ZIC3: variants seen among roughly 807,000 people sequenced by gnomAD.
ZIC3 encodes the protein zinc finger protein ZIC 3.
In ZIC3, 6 loss-of-function variants were observed where a neutral mutation model predicts 18.3. That is an observed-to-expected ratio of 0.33 (90% confidence interval 0.18 to 0.65). ZIC3 has a LOEUF of 0.65. Among genes scored for constraint, ZIC3 ranks in the 30% least tolerant of loss-of-function variants. The probability of loss-of-function intolerance (pLI) is 0.75; values close to 1 mark genes in which losing one functional copy is unlikely to be tolerated. For synonymous variants in ZIC3, 175 were observed against 177.0 expected (o/e 0.99, Z 0.09); for missense variants, 260 against 410.0 (o/e 0.63, Z 3.16).
downstream of ZIC3, among the ~76,000 whole-genome samples, chrX:137,574,638 C>A (rs1203196701): frequency 9.0e-6 from 1 of 111,198 alleles, no homozygotes; most frequent in Non-Finnish European, 1.9e-5. Context: ...GATTTTGCAG[C>A]GAGGGGGTTG....
intron 1 of ZIC3, 45 bp downstream of exon 1, chrX:137,567,796 C>T (rs191005711): frequency 8.3e-7 from 1 of 1,210,490 alleles, no homozygotes; most frequent in African/African-American, 1.7e-5. Context: ...TGGCGATACC[C>T]CGTCACGCAG....
intron 1 of ZIC3, 72 bp downstream of exon 1, chrX:137,567,823 G>A: frequency 1.7e-6 from 2 of 1,208,746 alleles, no homozygotes; most frequent in South Asian, 1.8e-5. Flanking sequence ...TAGAGCGCGA[G>A]GGAGAGAGGT....
chrX:137,577,228 G>T (rs980986583), exon 3 of ZIC3: 1 of 521,452 alleles, frequency 1.9e-6, no homozygotes, highest in Non-Finnish European at 3.5e-6. Context: ...TATCCTAAAT[G>T]CAGGGTTAAT....
chrX:137,573,964 T>C (rs1220657430), downstream of ZIC3: 1 of 113,141 alleles, frequency 8.8e-6, no homozygotes, highest in Non-Finnish European at 1.9e-5. Context: ...GACCTCCACC[T>C]ACAGGGCCCT....
At chrX:137,576,075 G>T (rs1312088847), downstream of ZIC3, among the ~76,000 whole-genome samples, 7 of 106,356 alleles carry the variant, frequency 6.6e-5, no homozygotes, top group Non-Finnish European at 1.4e-4. Flanking sequence ...TTTTTCTGTG[G>T]GTGAAGTTTC....
rs1844990900 is a variant in ZIC3 at position 137,570,871 on chromosome X, G to C, written c.*801G>C. 8.9e-6 allele frequency: 1 copy of C among 112,775 alleles called. No homozygotes were observed. 9.3% of individuals were successfully genotyped at this position (112,775 alleles called of 1,213,427 possible). On this transcript the variant is annotated 3_prime_UTR_variant, in exon 3 of 3. Coordinates refer to ENST00000287538, the MANE Select transcript of ZIC3 (RefSeq NM_003413.4). ...ACCACTGACTCCTTTCTCTTGTTTT[G>C]TAACAGCCTTCTTCTACAAAGAGGA...
chrX:137,569,230 G>C (rs1246962038), intron 2 of ZIC3, among the ~76,000 whole-genome samples, 165 bp downstream of exon 2: 1 of 105,819 alleles, frequency 9.5e-6, no homozygotes, highest in Non-Finnish European at 2.0e-5. Context: ...CGGGGGTGGG[G>C]GTGAGGGGGT....
Position 137,570,202 on chromosome X carries a change from T to G in ZIC3, c.*132T>G. 1.3e-6 allele frequency: 1 copy of G among 792,963 alleles called. No homozygotes were observed. Among genetic ancestry groups the G allele is most frequent in the Non-Finnish European group, 1.9e-6 (1 of 530,150 alleles). 65.3% of individuals were successfully genotyped at this position (792,963 alleles called of 1,213,427 possible). On this transcript the variant is annotated 3_prime_UTR_variant, in exon 3 of 3. Transcript: ENST00000287538. ...AGGGCTACATCTTGTTAATTGCAAT[T>G]GTCCAGGAAGGTTTTGGGCAAGATC...
At chrX:137,568,681 G>GCCCC in intron 1 of ZIC3, 1 of 142,760 alleles carries the variant, frequency 7.0e-6, no homozygotes, top group Non-Finnish European at 1.3e-5. Context: ...TTTTGGGCCG[G>GCCCC]CCCCGCCCCA....
chrX:137,567,278 C>T lies in ZIC3; in HGVS notation c.587C>T (p.Ala196Val), dbSNP rs1315537867. 1 of 1,211,622 alleles carries T rather than the reference C, an allele frequency of 8.3e-7. No homozygotes were observed. The highest frequency in any genetic ancestry group is 1.1e-6 in the Non-Finnish European group (1 of 895,617). ...CTGCGTGGGGAGCTGTTCGGCCGTG[C>T]TGACCCATACCGCCCAGTGGCCAGC... ...LGLRGELFGR[A>V]DPYRPVASPR... is the part of the protein sequence containing the mutation. Residue 196 changes from alanine (A) to valine (V), a missense_variant, in exon 1 of 3, where the codon GCT becomes GTT. By Grantham distance (64) the Ala-to-Val change is moderately conservative. Around this residue, in one of 4 missense-constraint regions of ZIC3, gnomAD observed 183 missense variants for 223.8 expected, o/e 0.82. Transcript: ENST00000287538.
At position 137,570,254 on chromosome X, in the gene ZIC3, G is replaced by T; in HGVS notation, c.*184G>T. The T allele has an allele frequency of 1.9e-6, 1 of 517,655 alleles. No homozygotes were observed. Among genetic ancestry groups the T allele is most frequent in the Non-Finnish European group, 3.2e-6 (1 of 315,732 alleles). The allele number at this position is 517,655 out of a possible 1,213,427, so 42.7% of individuals were successfully genotyped here. ...AAAAGTAGCCATGCCCTTTTCTCAG[G>T]ATAGAAAATATGTTTTGGCATTTGA... On this transcript the variant is annotated 3_prime_UTR_variant, in exon 3 of 3. Transcript: ENST00000287538.
chrX:137,567,599 C>G lies in ZIC3; in HGVS notation c.908C>G (p.Pro303Arg). 3 of 1,212,263 alleles carry G rather than the reference C, an allele frequency of 2.5e-6. No individual in the cohort carries two copies. Among genetic ancestry groups the G allele is most frequent in the Non-Finnish European group, 3.3e-6 (3 of 895,618 alleles). Residue 303 changes from proline to arginine, a missense_variant, in exon 1 of 3, where the codon CCC becomes CGC. By Grantham distance (103) the Pro-to-Arg change is moderately radical (BLOSUM62 -2). This residue lies in a region of ZIC3 where 25 missense variants were observed against 58.6 expected (regional missense o/e 0.43). Transcript: ENST00000287538. ...NNHVCYWEEC[P>R]REGKSFKAKY... Reference sequence around the variant, plus strand: ...CACGTCTGCTACTGGGAGGAGTGCCCCCGGGAGGGCAAGTCTTTCAAGGCG... The same window carrying G: ...CACGTCTGCTACTGGGAGGAGTGCCGCCGGGAGGGCAAGTCTTTCAAGGCG...
chrX:137,573,301 TC>T (rs36041738), downstream of ZIC3, among the ~76,000 whole-genome samples: 3 of 111,812 alleles, frequency 2.7e-5, no homozygotes, highest in Admixed American at 2.8e-4. Flanking sequence ...TGCATAAGAT[TC>T]CCACTGTTAG....
At chrX:137,572,223 CTATT>C (rs764353316), downstream of ZIC3, among the ~76,000 whole-genome samples, 3 of 112,439 alleles carry the variant, frequency 2.7e-5, no homozygotes, top group Admixed American at 1.9e-4. Flanking sequence ...TTGAAGCAGT[CTATT>C]TAAGTTATCT....
At chrX:137,575,333 C>G (rs1931501542), downstream of ZIC3, among the ~76,000 whole-genome samples, 1 of 111,564 alleles carries the variant, frequency 9.0e-6, no homozygotes, top group Admixed American at 9.5e-5. Context: ...GGCACTGTAG[C>G]TTTGGTGTGT....
rs1931342112 is a variant in ZIC3, at chrX:137,566,525, A to C, written c.-167A>C. The C allele has an allele frequency of 3.0e-6, 2 of 673,480 alleles. No individual in the cohort carries two copies. The highest frequency in any genetic ancestry group is 3.6e-5 in the Admixed American group (1 of 27,683). The allele number at this position is 673,480 out of a possible 1,213,427, so 55.5% of individuals were successfully genotyped here. On this transcript the variant is annotated 5_prime_UTR_variant, in exon 1 of 3. Coordinates refer to ENST00000287538, the MANE Select transcript of ZIC3 (RefSeq NM_003413.4). ...CCTCCCTCCTATCCCTCTGCAGGAG[A>C]CTCTTGCAGTGACGGAAAGTTGCAG... is the stretch of plus-strand genomic sequence containing the variant.
At chrX:137,577,182 G>A (rs778205195) in exon 3 of ZIC3, 4 of 523,089 alleles carry the variant, frequency 7.6e-6, no homozygotes, top group Middle Eastern at 3.1e-4. Context: ...TGATACTGAC[G>A]TTGGTATGCA....
chrX:137,566,825 ACGCCGCCGCCGCCGC>A lies in ZIC3; in HGVS notation c.147_161del (p.Ala51_Ala55del), dbSNP rs748325646. ...CTGAATCCCTTCGGGGACTCAACCC[ACGCCGCCGCCGCCGC>A]CGCCGCCGCCGCTGCCTTCAAGCTG... On this transcript the variant is annotated inframe_deletion, in exon 1 of 3. Transcript: ENST00000287538. 1.4e-5 allele frequency: 16 copies of A among 1,160,637 alleles called. No homozygotes were observed. The highest frequency in any genetic ancestry group is 1.6e-5 in the Non-Finnish European group (14 of 873,103).
rs752160420 is a variant in ZIC3, at chrX:137,567,560, C to T, written c.869C>T (p.Pro290Leu). ...GTCACCATGGAGCATGTGGGGGGCC[C>T]GGAGCAGAACAACCACGTCTGCTAC... is the stretch of plus-strand genomic sequence containing the variant. ...THVTMEHVGG[P>L]EQNNHVCYWE... The change falls in exon 1 of 3, where the codon CCG becomes CTG. Residue 290 changes from proline to leucine, a missense_variant. This residue lies in a region of ZIC3 where 25 missense variants were observed against 58.6 expected (regional missense o/e 0.43). Transcript: ENST00000287538. 1 of 1,212,136 alleles carries T rather than the reference C, an allele frequency of 8.2e-7. No individual in the cohort carries two copies. The highest frequency in any genetic ancestry group is 3.0e-5 in the East Asian group (1 of 33,826).
Sources: gnomAD v4.1 joint callset for allele counts (sites outside exome capture counted in the v4.1 genomes callset) on GRCh38, gnomAD v4.1.1 for gene constraint, gnomAD v4.1.1 regional missense constraint, MANE v1.5 for transcripts, NCBI Gene and HGNC (gene_info 2026-07-23, HGNC 2026-07-21) for gene names.